GRAMD1C: variants seen among roughly 807,000 people sequenced by gnomAD.
GRAMD1C encodes protein Aster-C.
In GRAMD1C, 89 loss-of-function variants were observed where a neutral mutation model predicts 97.8. The observed-to-expected ratio is 0.91, with a 90% CI of 0.77 to 1.09. The LOEUF is 1.09. Ranked by LOEUF, GRAMD1C falls within the 50% of genes least tolerant of loss-of-function variation. The pLI, the probability that GRAMD1C is intolerant of heterozygous loss-of-function variation, is 0.00. For synonymous variants in GRAMD1C, 256 were observed against 267.0 expected (o/e 0.96, Z 0.40); for missense variants, 740 against 766.4 (o/e 0.97, Z 0.41).
intron 6 of GRAMD1C, among the ~76,000 whole-genome samples, chr3:113,883,861 G>C (rs976100090): frequency 6.6e-6 from 1 of 152,210 alleles, no homozygotes; most frequent in East Asian, 1.9e-4. Context: ...AGTAAAACTT[G>C]GGACTGCGTG....
intron 9 of GRAMD1C, among the ~76,000 whole-genome samples, chr3:113,910,968 G>T (rs972191505): frequency 4.6e-5 from 7 of 152,126 alleles, no homozygotes; most frequent in African/African-American, 1.7e-4. Flanking sequence ...AGATTGGGTA[G>T]CTTAAGCAAC....
At chr3:113,832,601 C>T (rs1413207237) in intron 1 of GRAMD1C, among the ~76,000 whole-genome samples, 1 of 152,052 alleles carries the variant, frequency 6.6e-6, no homozygotes, top group Non-Finnish European at 1.5e-5. Context: ...CCCCATTCTG[C>T]CCTCTTCATA....
intron 2 of GRAMD1C, among the ~76,000 whole-genome samples, chr3:113,853,177 C>A (rs188172544): frequency 6.6e-6 from 1 of 152,216 alleles, no homozygotes; most frequent in African/African-American, 2.4e-5. Context: ...AATACAACTT[C>A]TAGAAATGAA....
At chr3:113,940,410 GTGTA>G in intron 17 of GRAMD1C, 65 bp downstream of exon 17, 1 of 885,512 alleles carries the variant, frequency 1.1e-6, no homozygotes, top group South Asian at 1.4e-5. Context: ...TTGCTCTTCT[GTGTA>G]TGAGAGAATA....
At chr3:113,883,510 G>A (rs1935336499) in intron 6 of GRAMD1C, among the ~76,000 whole-genome samples, 1 of 146,444 alleles carries the variant, frequency 6.8e-6, no homozygotes, top group African/African-American at 2.5e-5. Context: ...GGGTGACAGA[G>A]TGAGATCCTG....
At chr3:113,901,298 G>A (rs1037622659) in intron 7 of GRAMD1C, 152 bp downstream of exon 7, 3 of 568,766 alleles carry the variant, frequency 5.3e-6, no homozygotes, top group East Asian at 3.1e-5. Flanking sequence ...GAAAGGTGGG[G>A]ACAGAGAATA....
intron 6 of GRAMD1C, among the ~76,000 whole-genome samples, chr3:113,892,788 C>T (rs1234850766): frequency 6.6e-6 from 1 of 152,058 alleles, no homozygotes; most frequent in Non-Finnish European, 1.5e-5. Context: ...AAGAACTGTG[C>T]AGTCATAGTT....
At chr3:113,836,414 A>T (rs931730875), upstream of GRAMD1C, among the ~76,000 whole-genome samples, 4 of 152,212 alleles carry the variant, frequency 2.6e-5, no homozygotes, top group African/African-American at 7.2e-5. Flanking sequence ...ATAGTAGTAT[A>T]CCCTCCACTT....
At chr3:113,832,495 G>C (rs545583583) in intron 1 of GRAMD1C, among the ~76,000 whole-genome samples, 1 of 152,142 alleles carries the variant, frequency 6.6e-6, no homozygotes, top group Non-Finnish European at 1.5e-5. Flanking sequence ...TTCAAGTATG[G>C]TTCAGTGACA....
intron 5 of GRAMD1C, among the ~76,000 whole-genome samples, chr3:113,882,303 A>G (rs541619315): frequency 2.0e-5 from 3 of 152,200 alleles, no homozygotes; most frequent in Non-Finnish European, 4.4e-5. Context: ...ATAATTAAAA[A>G]TTAAGATCCT....
chr3:113,835,513 A>C (rs1385779110), upstream of GRAMD1C, among the ~76,000 whole-genome samples: 3 of 152,214 alleles, frequency 2.0e-5, no homozygotes, highest in Non-Finnish European at 4.4e-5. Context: ...AGGTCTTACT[A>C]CAGGATTTGG....
chr3:113,863,948 G>A (rs1243341091), intron 2 of GRAMD1C, among the ~76,000 whole-genome samples: 1 of 152,136 alleles, frequency 6.6e-6, no homozygotes, highest in East Asian at 1.9e-4. Context: ...TCCTGAAAAT[G>A]CTCTTTCATG....
intron 3 of GRAMD1C, among the ~76,000 whole-genome samples, chr3:113,869,834 G>A (rs1038377316): frequency 5.3e-5 from 8 of 152,164 alleles, no homozygotes; most frequent in African/African-American, 1.9e-4. Context: ...CAATACCGAA[G>A]ATATGGAATC....
chr3:113,924,713 G>A (rs150530446), intron 10 of GRAMD1C, among the ~76,000 whole-genome samples: 78 of 152,298 alleles, frequency 5.1e-4, no homozygotes, highest in African/African-American at 1.9e-3. Context: ...TAGAGTATGT[G>A]CCAGGTGCAA....
chr3:113,916,785 T>C (rs1008766834), intron 10 of GRAMD1C, among the ~76,000 whole-genome samples: 1 of 152,214 alleles, frequency 6.6e-6, no homozygotes, highest in Non-Finnish European at 1.5e-5. Context: ...AAGAAATTGG[T>C]TAAATTTCTT....
intron 9 of GRAMD1C, among the ~76,000 whole-genome samples, chr3:113,912,868 AAATAT>A (rs1936654570): frequency 2.6e-5 from 4 of 152,172 alleles, no homozygotes; most frequent in Admixed American, 1.3e-4. Flanking sequence ...AGAAAGCAAA[AAATAT>A]AATAAAAGTA....
rs200002911 is a variant in GRAMD1C, at chr3:113,945,429, C to T, written c.1940C>T (p.Thr647Met). The stretch of plus-strand genomic sequence containing the variant: ...AGCTCACTCATTATGCTTCAGAAAA[C>T]GTTTGATCTACTAAATAAGAATAAG... ...LKSSLIMLQK[T>M]FDLLNKNKTG... Residue 647 changes from threonine (T) to methionine (M), a missense_variant, in exon 18 of 18, where the codon ACG (threonine) becomes ATG (methionine). By Grantham distance (81) the Thr-to-Met change is moderately conservative (BLOSUM62 -1). Coordinates refer to ENST00000358160, the MANE Select transcript of GRAMD1C (RefSeq NM_017577.5). 63 of 1,600,018 alleles carry T rather than the reference C, an allele frequency of 3.9e-5. No individual in the cohort carries two copies. In the South Asian group the frequency reaches 4.5e-4, roughly 12 times the overall value.
chr3:113,915,520 T>A (rs933720919), intron 9 of GRAMD1C, among the ~76,000 whole-genome samples, 181 bp from the exon 10 acceptor site: 1 of 152,216 alleles, frequency 6.6e-6, no homozygotes, highest in African/African-American at 2.4e-5. Flanking sequence ...CATACATATG[T>A]ATATATTTAA....
chr3:113,910,250 G>A (rs1331740822), intron 9 of GRAMD1C, among the ~76,000 whole-genome samples: 4 of 152,146 alleles, frequency 2.6e-5, no homozygotes, highest in Admixed American at 2.6e-4. Context: ...GGGTGTGGCG[G>A]TGTGTGCCTG....
Sources: gnomAD v4.1 joint callset for allele counts (sites outside exome capture counted in the v4.1 genomes callset) on GRCh38, gnomAD v4.1.1 for gene constraint, MANE v1.5 for transcripts, NCBI Gene and HGNC (gene_info 2026-07-23, HGNC 2026-07-21) for gene names.